The following NECAB1 variants were observed in gnomAD, a reference collection of about 807,000 sequenced individuals.
NECAB1 encodes the protein N-terminal EF-hand calcium binding protein 1.
NECAB1 carries 29 observed loss-of-function variants against 57.5 expected under a neutral mutation model. The ratio of observed to expected loss-of-function variants is 0.50; its 90% CI spans 0.38 to 0.69. The LOEUF (loss-of-function observed/expected upper bound fraction) is 0.69, where lower values mean the gene tolerates loss of function less well. Ranked by LOEUF, NECAB1 falls within the 30% of genes least tolerant of loss-of-function variation. The pLI is 0.00. For synonymous variants in NECAB1, 142 were observed against 147.7 expected (o/e 0.96, Z 0.28); for missense variants, 372 against 413.8 (o/e 0.90, Z 0.88).
chr8:90,912,415 A>C (rs1296665206), intron 5 of NECAB1, among the ~76,000 whole-genome samples: 3 of 152,192 alleles, frequency 2.0e-5, no homozygotes, highest in East Asian at 3.8e-4. Flanking sequence ...TCATCTCTAA[A>C]GTATCAACTT....
At chr8:90,867,654 T>G (rs1808544522) in intron 3 of NECAB1, among the ~76,000 whole-genome samples, 1 of 152,254 alleles carries the variant, frequency 6.6e-6, no homozygotes, top group Admixed American at 6.5e-5. Flanking sequence ...ATTTATTTGT[T>G]TATCAATTAT....
intron 5 of NECAB1, among the ~76,000 whole-genome samples, chr8:90,890,714 G>T (rs993779437): frequency 6.6e-6 from 1 of 152,044 alleles, no homozygotes; most frequent in Admixed American, 6.5e-5. Flanking sequence ...AAACAAAGAG[G>T]GTTCCAGATT....
chr8:90,936,707 C>T (rs535805493), intron 9 of NECAB1, among the ~76,000 whole-genome samples: 5 of 152,220 alleles, frequency 3.3e-5, no homozygotes, highest in Admixed American at 6.5e-5. Flanking sequence ...AAGCACACAG[C>T]AAAAGTCCTG....
chr8:90,853,941 A>G (rs1424862827), intron 3 of NECAB1, among the ~76,000 whole-genome samples: 1 of 152,082 alleles, frequency 6.6e-6, no homozygotes, highest in Non-Finnish European at 1.5e-5. Flanking sequence ...TAGGGAGAGT[A>G]AGGAAAAGGA....
chr8:90,853,724 A>G (rs991287812), intron 3 of NECAB1, among the ~76,000 whole-genome samples: 6 of 152,194 alleles, frequency 3.9e-5, no homozygotes, highest in Non-Finnish European at 8.8e-5. Context: ...TTGTTGCCAA[A>G]CAACAGGGGT....
At chr8:90,867,369 T>C (rs1808538277) in intron 3 of NECAB1, among the ~76,000 whole-genome samples, 1 of 152,344 alleles carries the variant, frequency 6.6e-6, no homozygotes. Flanking sequence ...AGATGAACTT[T>C]TATGTCCTTT....
chr8:90,864,953 C>T (rs1482548470), intron 3 of NECAB1, among the ~76,000 whole-genome samples: 2 of 151,922 alleles, frequency 1.3e-5, no homozygotes, highest in Non-Finnish European at 2.9e-5. Context: ...TACATCTATG[C>T]ACATGTCTGT....
intron 10 of NECAB1, among the ~76,000 whole-genome samples, chr8:90,943,402 C>CT (rs1370647269): frequency 1.3e-5 from 2 of 152,098 alleles, no homozygotes; most frequent in African/African-American, 4.8e-5. Context: ...AAAATGTAGA[C>CT]TATATCAGAT....
intron 3 of NECAB1, among the ~76,000 whole-genome samples, chr8:90,840,797 C>T (rs1232006353): frequency 6.6e-6 from 1 of 151,972 alleles, no homozygotes; most frequent in Non-Finnish European, 1.5e-5. Context: ...GCAGTACCAG[C>T]GAAGCCAGAC....
intron 5 of NECAB1, among the ~76,000 whole-genome samples, chr8:90,906,545 C>A (rs574190913): frequency 6.6e-6 from 1 of 152,100 alleles, no homozygotes; most frequent in African/African-American, 2.4e-5. Context: ...TGCAAGATTA[C>A]TGTCAGTCTC....
intron 2 of NECAB1, among the ~76,000 whole-genome samples, chr8:90,817,765 G>A (rs1409393017): frequency 6.6e-6 from 1 of 151,602 alleles, no homozygotes; most frequent in African/African-American, 2.4e-5. Context: ...TTGCTCTGTT[G>A]TTTTCCTTTT....
chr8:90,853,600 C>T (rs1239380650), intron 3 of NECAB1, among the ~76,000 whole-genome samples: 1 of 152,118 alleles, frequency 6.6e-6, no homozygotes, highest in South Asian at 2.1e-4. Flanking sequence ...TAGCAGCTCA[C>T]TAATACTTCT....
At chr8:90,904,506 A>G (rs1809587462) in intron 5 of NECAB1, among the ~76,000 whole-genome samples, 1 of 152,062 alleles carries the variant, frequency 6.6e-6, no homozygotes, top group Admixed American at 6.6e-5. Context: ...TTTACGGTAG[A>G]TTAAATAGAG....
At chr8:90,893,181 G>T (rs1809230409) in intron 5 of NECAB1, among the ~76,000 whole-genome samples, 1 of 151,912 alleles carries the variant, frequency 6.6e-6, no homozygotes, top group Admixed American at 6.6e-5. Context: ...GATACTACGG[G>T]ACTTAGCTTA....
At chr8:90,861,187 C>A (rs1346668333) in intron 3 of NECAB1, among the ~76,000 whole-genome samples, 2 of 152,126 alleles carry the variant, frequency 1.3e-5, no homozygotes, top group Non-Finnish European at 2.9e-5. Context: ...GAATTAAAGG[C>A]ATCCTCTACA....
intron 3 of NECAB1, among the ~76,000 whole-genome samples, chr8:90,849,212 G>A (rs1245196236): frequency 6.6e-6 from 1 of 152,204 alleles, no homozygotes; most frequent in Non-Finnish European, 1.5e-5. Flanking sequence ...GCTCATGCCT[G>A]TAATCCCAGT....
At chr8:90,911,002 A>T (rs1809816957) in intron 5 of NECAB1, among the ~76,000 whole-genome samples, 1 of 152,124 alleles carries the variant, frequency 6.6e-6, no homozygotes, top group African/African-American at 2.4e-5. Context: ...GTTTTGTTGC[A>T]TTCATTGTCT....
chr8:90,908,897 TA>T (rs1468586768), intron 5 of NECAB1, among the ~76,000 whole-genome samples: 1 of 152,198 alleles, frequency 6.6e-6, no homozygotes, highest in Non-Finnish European at 1.5e-5. Context: ...AAACTGTAGT[TA>T]AATTGTACTC....
At chr8:90,867,794 T>G (rs1458101176) in intron 3 of NECAB1, among the ~76,000 whole-genome samples, 1 of 152,232 alleles carries the variant, frequency 6.6e-6, no homozygotes, top group Non-Finnish European at 1.5e-5. Context: ...GTGGCTGGCC[T>G]TGTATGCCAC....
Sources: gnomAD v4.1 joint callset for allele counts (sites outside exome capture counted in the v4.1 genomes callset) on GRCh38, gnomAD v4.1.1 for gene constraint, MANE v1.5 for transcripts, NCBI Gene and HGNC (gene_info 2026-07-23, HGNC 2026-07-21) for gene names.